The following GRIK2 variants were observed in gnomAD, a reference collection of about 807,000 sequenced individuals.
GRIK2 encodes the protein glutamate receptor ionotropic, kainate 2.
GRIK2 carries 32 observed loss-of-function variants against 100.3 expected under a neutral mutation model. The observed-to-expected ratio is 0.32, with a 90% CI of 0.24 to 0.43. The LOEUF is 0.43. Among genes scored for constraint, GRIK2 ranks in the 20% least tolerant of loss-of-function variants. The pLI, the probability that GRIK2 is intolerant of heterozygous loss-of-function variation, is 1.00. For missense variants in GRIK2, 843 were observed against 1,114.9 expected (o/e 0.76, Z 3.47); for synonymous variants, 417 against 389.4 (o/e 1.07, Z -0.83).
chr6:101,413,921 T>C (rs1371057339), intron 2 of GRIK2, among the ~76,000 whole-genome samples: 1 of 152,142 alleles, frequency 6.6e-6, no homozygotes, highest in Admixed American at 6.6e-5. Context: ...TCATAAAATT[T>C]GCCATTTGTT....
intron 7 of GRIK2, among the ~76,000 whole-genome samples, chr6:101,730,900 G>T (rs1443235908): frequency 6.6e-6 from 1 of 151,858 alleles, no homozygotes; most frequent in Non-Finnish European, 1.5e-5. Context: ...AGAGGGGAAA[G>T]AGTTGTTTTG....
chr6:101,415,595 C>A (rs977020764), intron 2 of GRIK2, among the ~76,000 whole-genome samples: 3 of 151,998 alleles, frequency 2.0e-5, no homozygotes, highest in South Asian at 2.1e-4. Flanking sequence ...TAGTCTTGAT[C>A]TCCTGACCTC....
chr6:101,795,327 C>T lies in GRIK2; in HGVS notation c.952-4321C>T, dbSNP rs147481725. On this transcript the variant is annotated intron_variant, in intron 7 of 16. Coordinates refer to ENST00000369134, the MANE Select transcript of GRIK2 (RefSeq NM_021956.5). ...CAGCATCAGTGGTGTCTGTGATTTC[C>T]GTTTCTTAGACTGTGATTATTAGTG... Among the ~76,000 whole-genome samples, 458 of 152,182 alleles carry T rather than the reference C, an allele frequency of 3.0e-3. 3 individuals are homozygous for T. Among genetic ancestry groups the T allele is most frequent in the Middle Eastern group, 0.017 (5 of 294 alleles).
chr6:101,572,811 GTTTATTATTTATTTAT>G (rs1259203481), intron 2 of GRIK2, among the ~76,000 whole-genome samples: 2 of 106,976 alleles, frequency 1.9e-5, no homozygotes, highest in African/African-American at 6.2e-5. Flanking sequence ...TGTTATTGTT[GTTTATTATTTATTTAT>G]TTATTTATTT....
chr6:101,400,293 C>G (rs1775223799), intron 2 of GRIK2, among the ~76,000 whole-genome samples: 1 of 152,100 alleles, frequency 6.6e-6, no homozygotes, highest in African/African-American at 2.4e-5. Flanking sequence ...AAAATCTAAA[C>G]GTGGGATTCC....
intron 7 of GRIK2, among the ~76,000 whole-genome samples, chr6:101,741,137 C>T (rs1285262443): frequency 6.6e-6 from 1 of 152,152 alleles, no homozygotes; most frequent in Admixed American, 6.5e-5. Flanking sequence ...GGAAATTTCC[C>T]TGAGGACACT....
chr6:102,018,264 G>A (rs905350666), intron 14 of GRIK2, among the ~76,000 whole-genome samples: 7 of 152,070 alleles, frequency 4.6e-5, no homozygotes. Context: ...TCTGTTTCAG[G>A]TGAGGCAGAA....
chr6:102,054,677 A>T (rs1452527808), intron 15 of GRIK2, among the ~76,000 whole-genome samples: 1 of 152,160 alleles, frequency 6.6e-6, no homozygotes, highest in Non-Finnish European at 1.5e-5. Context: ...TATAAAATAA[A>T]TTGATAAAGG....
At chr6:101,865,909 A>C (rs1388969017) in intron 11 of GRIK2, among the ~76,000 whole-genome samples, 1 of 151,780 alleles carries the variant, frequency 6.6e-6, no homozygotes, top group Non-Finnish European at 1.5e-5. Flanking sequence ...AAAAAAAAAA[A>C]AGAAAGAAAT....
intron 7 of GRIK2, among the ~76,000 whole-genome samples, chr6:101,792,128 T>C (rs1375643787): frequency 2.0e-5 from 3 of 151,932 alleles, no homozygotes; most frequent in African/African-American, 7.3e-5. Flanking sequence ...GTTTCCTGAA[T>C]ACAGCACACT....
intron 14 of GRIK2, among the ~76,000 whole-genome samples, chr6:101,942,541 G>A (rs1000290472): frequency 1.6e-4 from 25 of 152,296 alleles, no homozygotes; most frequent in Admixed American, 2.6e-4. Context: ...GGCTGAGGTC[G>A]TCTGAGACGG....
intron 2 of GRIK2, among the ~76,000 whole-genome samples, chr6:101,590,337 G>A (rs1348582776): frequency 6.6e-6 from 1 of 152,044 alleles, no homozygotes; most frequent in East Asian, 1.9e-4. Context: ...GGAGAGCAAT[G>A]TACAGTATAG....
intron 7 of GRIK2, 62 bp from the exon 8 acceptor site, chr6:101,799,586 C>G: frequency 7.4e-7 from 1 of 1,354,328 alleles, no homozygotes; most frequent in Non-Finnish European, 1.1e-6. Context: ...TCCTTGCAAA[C>G]CATCTACCAC....
At chr6:102,047,689 C>T (rs988048854) in intron 15 of GRIK2, among the ~76,000 whole-genome samples, 2 of 151,672 alleles carry the variant, frequency 1.3e-5, no homozygotes, top group Non-Finnish European at 2.9e-5. Flanking sequence ...GCAGAGGTTG[C>T]AGTGAGCCAA....
At chr6:102,067,829 C>T (rs1772092143) in intron 16 of GRIK2, among the ~76,000 whole-genome samples, 1 of 151,750 alleles carries the variant, frequency 6.6e-6, no homozygotes, top group Non-Finnish European at 1.5e-5. Flanking sequence ...TAATGAAATG[C>T]CAGAAATTGT....
In GRIK2 at chr6:101,723,897, C is replaced by T. The variant is rs114496126; in HGVS notation, c.951+37544C>T. Among the ~76,000 whole-genome samples, 394 of 151,962 alleles carry T rather than the reference C, an allele frequency of 2.6e-3. 2 individuals are homozygous for T. The highest frequency in any genetic ancestry group is 8.1e-3 in the African/African-American group (337 of 41,494). Reference sequence around the variant, plus strand: ...CATATGTTGGGATAAACCCTTTCTGCTTTACCTCTTCTTGTTATCTTTTTC... The same window carrying T: ...CATATGTTGGGATAAACCCTTTCTGTTTTACCTCTTCTTGTTATCTTTTTC... On this transcript the variant is annotated intron_variant, in intron 7 of 16. Transcript: ENST00000369134.
chr6:101,625,384 T>TAATAAATAAATAAATA (rs139402781), intron 3 of GRIK2, among the ~76,000 whole-genome samples: 1 of 147,534 alleles, frequency 6.8e-6, no homozygotes, highest in African/African-American at 2.5e-5. Flanking sequence ...ACAAAATAAA[T>TAATAAATAAATAAATA]AATAAATAAA....
chr6:101,894,021 TATG>T (rs1252556801), intron 12 of GRIK2, among the ~76,000 whole-genome samples: 2 of 151,516 alleles, frequency 1.3e-5, no homozygotes, highest in Non-Finnish European at 3.0e-5. Context: ...AGAAAGGAAA[TATG>T]AGGAAGATTG....
chr6:101,740,286 A>G (rs1775937181), intron 7 of GRIK2, among the ~76,000 whole-genome samples: 1 of 152,134 alleles, frequency 6.6e-6, no homozygotes, highest in African/African-American at 2.4e-5. Context: ...TTTGGCTATA[A>G]AATAGCATTG....
Sources: gnomAD v4.1 joint callset for allele counts (sites outside exome capture counted in the v4.1 genomes callset) on GRCh38, gnomAD v4.1.1 for gene constraint, MANE v1.5 for transcripts, NCBI Gene and HGNC (gene_info 2026-07-23, HGNC 2026-07-21) for gene names.